The following AKAP6 variants were observed in gnomAD, a reference collection of about 807,000 sequenced individuals.
The protein encoded by AKAP6 is A-kinase anchor protein 6.
A neutral mutation model predicts 188.5 loss-of-function variants in AKAP6; 58 were observed. That is an observed-to-expected ratio of 0.31 (90% CI 0.25 to 0.38). AKAP6 has a LOEUF of 0.38. Ranked by LOEUF, AKAP6 falls within the 10% of genes least tolerant of loss-of-function variation. AKAP6 has a pLI of 1.00. For synonymous variants in AKAP6, 989 were observed against 998.6 expected (o/e 0.99, Z 0.18); for missense variants, 2,710 against 2,740.0 (o/e 0.99, Z 0.24).
At chr14:32,802,958 C>T (rs865924449) in intron 12 of AKAP6, among the ~76,000 whole-genome samples, 23 of 150,832 alleles carry the variant, frequency 1.5e-4, no homozygotes, top group South Asian at 1.5e-3. Context: ...ATTAGCCAGG[C>T]GTGGTTGTGT....
chr14:32,754,754 C>T (rs551192207), intron 11 of AKAP6, among the ~76,000 whole-genome samples: 1 of 152,248 alleles, frequency 6.6e-6, no homozygotes, highest in Non-Finnish European at 1.5e-5. Context: ...TGAAGGACAT[C>T]ATTGCCAAAT....
chr14:32,608,367 G>A (rs886583701), intron 7 of AKAP6, among the ~76,000 whole-genome samples: 2 of 152,028 alleles, frequency 1.3e-5, no homozygotes, highest in Non-Finnish European at 2.9e-5. Flanking sequence ...AAGTGTCATG[G>A]TGTGTGCCTG....
chr14:32,433,255 G>A (rs1890277107), intron 1 of AKAP6: 3 of 471,748 alleles, frequency 6.4e-6, no homozygotes, highest in Admixed American at 3.4e-5. Context: ...CAATATCACA[G>A]TGGTTTTATG....
intron 7 of AKAP6, among the ~76,000 whole-genome samples, chr14:32,653,961 T>G (rs1358972387): frequency 6.6e-6 from 1 of 152,168 alleles, no homozygotes; most frequent in East Asian, 1.9e-4. Context: ...AGACTCATAG[T>G]AGCAAATCAG....
intron 7 of AKAP6, among the ~76,000 whole-genome samples, chr14:32,610,738 A>G (rs1886317322): frequency 6.6e-6 from 1 of 152,246 alleles, no homozygotes; most frequent in African/African-American, 2.4e-5. Flanking sequence ...TAGCATGGTC[A>G]AAAGTATGGA....
intron 1 of AKAP6, among the ~76,000 whole-genome samples, chr14:32,402,763 T>G (rs1221438977): frequency 6.6e-6 from 1 of 151,758 alleles, no homozygotes; most frequent in Non-Finnish European, 1.5e-5. Flanking sequence ...AGAGCTTTGC[T>G]CCGTTGCCTA....
intron 5 of AKAP6, among the ~76,000 whole-genome samples, chr14:32,579,070 T>A (rs1010445587): frequency 2.6e-5 from 4 of 152,154 alleles, no homozygotes; most frequent in African/African-American, 7.2e-5. Context: ...ACTGAAGAAA[T>A]GAGTTTTTAA....
chr14:32,457,253 AAAGGTAGAT>A (rs767904782), intron 2 of AKAP6, among the ~76,000 whole-genome samples: 6 of 152,200 alleles, frequency 3.9e-5, no homozygotes, highest in African/African-American at 7.2e-5. Flanking sequence ...CCAATATAGA[AAAGGTAGAT>A]ATTGATCAAG....
At chr14:32,778,633 A>T (rs564202248) in intron 12 of AKAP6, among the ~76,000 whole-genome samples, 2 of 151,986 alleles carry the variant, frequency 1.3e-5, no homozygotes, top group Admixed American at 1.3e-4. Context: ...TGTAGCCTTG[A>T]CCTCCTGGGT....
chr14:32,584,902 A>G (rs956791284), intron 5 of AKAP6, among the ~76,000 whole-genome samples: 1 of 152,202 alleles, frequency 6.6e-6, no homozygotes, highest in African/African-American at 2.4e-5. Flanking sequence ...GTTGATGGAC[A>G]TTTAAGCCAT....
At chr14:32,355,875 A>G (rs965311605) in intron 1 of AKAP6, among the ~76,000 whole-genome samples, 1 of 152,020 alleles carries the variant, frequency 6.6e-6, no homozygotes, top group African/African-American at 2.4e-5. Context: ...CCTGGACTCA[A>G]GTGATCCTCC....
intron 12 of AKAP6, among the ~76,000 whole-genome samples, chr14:32,803,693 T>G (rs1257819278): frequency 6.6e-6 from 1 of 152,208 alleles, no homozygotes; most frequent in East Asian, 1.9e-4. Flanking sequence ...TTTCATTCTC[T>G]TCTTTCGCTC....
chr14:32,455,231 G>A (rs966771424), intron 2 of AKAP6, among the ~76,000 whole-genome samples: 3 of 151,946 alleles, frequency 2.0e-5, no homozygotes, highest in African/African-American at 7.3e-5. Flanking sequence ...GCCTCCCAAA[G>A]TGCTGGGATT....
rs566708470 is a variant in AKAP6 at position 32,781,983 on chromosome 14, C to T, written c.3588+8090C>T. ...TTCGAGACCAGCCTGGTCAACATGGCGAAACCCCCATCTCTACTAAAAATA... is the reference window on the plus strand; with the variant it reads ...TTCGAGACCAGCCTGGTCAACATGGTGAAACCCCCATCTCTACTAAAAATA... On this transcript the variant is annotated intron_variant, in intron 12 of 13. Coordinates refer to ENST00000280979, the MANE Select transcript of AKAP6 (RefSeq NM_004274.5). Among the ~76,000 whole-genome samples the T allele has an allele frequency of 2.5e-4, 38 of 151,874 alleles. No individual in the cohort carries two copies. The East Asian group carries it at 3.9e-3, about 16-fold the overall frequency.
Position 32,769,113 on chromosome 14 carries a change from T to C in AKAP6, c.3373-4565T>C, listed in dbSNP as rs146293828. Among the ~76,000 whole-genome samples the C allele has an allele frequency of 8.9e-3, 1,180 of 132,900 alleles. 11 individuals are homozygous for C. Among genetic ancestry groups the C allele is most frequent in the African/African-American group, 0.031 (1,109 of 35,706 alleles). 87.2% of individuals were successfully genotyped at this position (132,900 alleles called of 152,430 possible). A position where few individuals can be genotyped will look rare whatever the true frequency, so the allele number is the denominator to read the frequency against. ...CCCAGGCTGCAGTGCAATGGCACGA[T>C]CTCGGCCCACTGCAACCTCCACCTC... On this transcript the variant is annotated intron_variant, in intron 11 of 13. Transcript: ENST00000280979.
intron 7 of AKAP6, among the ~76,000 whole-genome samples, chr14:32,660,040 T>C (rs1325863496): frequency 2.0e-5 from 3 of 152,122 alleles, no homozygotes; most frequent in African/African-American, 7.2e-5. Flanking sequence ...GGGAATCGTA[T>C]TGATTGGACA....
At chr14:32,333,801 G>A (rs1886605188) in intron 1 of AKAP6, among the ~76,000 whole-genome samples, 1 of 152,114 alleles carries the variant, frequency 6.6e-6, no homozygotes. Context: ...TTGACATATG[G>A]AAATATGAAA....
chr14:32,661,053 G>A (rs1320416404), intron 7 of AKAP6, among the ~76,000 whole-genome samples: 2 of 151,356 alleles, frequency 1.3e-5, no homozygotes, highest in African/African-American at 4.9e-5. Flanking sequence ...AGCACTGGGA[G>A]AGTAACATTT....
chr14:32,732,875 G>A (rs1191388136), intron 10 of AKAP6: 1 of 592,384 alleles, frequency 1.7e-6, no homozygotes, highest in African/African-American at 1.9e-5. Flanking sequence ...TTATGGGTAT[G>A]CACCAAGTCA....
Sources: gnomAD v4.1 joint callset for allele counts (sites outside exome capture counted in the v4.1 genomes callset) on GRCh38, gnomAD v4.1.1 for gene constraint, MANE v1.5 for transcripts, NCBI Gene and HGNC (gene_info 2026-07-23, HGNC 2026-07-21) for gene names.